ATP10B: variants seen among roughly 807,000 people sequenced by gnomAD.
ATP10B encodes phospholipid-transporting ATPase VB.
A neutral mutation model predicts 141.2 loss-of-function variants in ATP10B; 122 were observed. The observed-to-expected ratio is 0.86, with a 90% CI of 0.75 to 1.00. ATP10B has a LOEUF of 1.00. ATP10B is among the 50% of genes least tolerant of loss of function. ATP10B has a pLI of 0.00. For synonymous variants in ATP10B, 685 were observed against 692.0 expected (o/e 0.99, Z 0.16); for missense variants, 1,876 against 1,825.3 (o/e 1.03, Z -0.51).
chr5:160,629,791 T>C (rs190321581), intron 13 of ATP10B, among the ~76,000 whole-genome samples: 4 of 152,356 alleles, frequency 2.6e-5, no homozygotes, highest in Admixed American at 2.6e-4. Flanking sequence ...GTCACAGAGC[T>C]AGTACATGGG....
chr5:160,762,342 A>T (rs952785297), intron 2 of ATP10B, among the ~76,000 whole-genome samples: 1 of 152,074 alleles, frequency 6.6e-6, no homozygotes, highest in African/African-American at 2.4e-5. Flanking sequence ...ATAAAGAACA[A>T]CCTATCAGAT....
chr5:160,840,948 T>A (rs796759680), intron 1 of ATP10B, among the ~76,000 whole-genome samples: 1 of 152,164 alleles, frequency 6.6e-6, no homozygotes. Context: ...GATGATATAT[T>A]TCGTTCATAG....
chr5:160,758,475 G>A (rs1056528363), intron 2 of ATP10B, among the ~76,000 whole-genome samples: 3 of 152,176 alleles, frequency 2.0e-5, no homozygotes, highest in Non-Finnish European at 4.4e-5. Flanking sequence ...TCTGTTCACT[G>A]TCCTCTTGGT....
intron 2 of ATP10B, among the ~76,000 whole-genome samples, chr5:160,739,504 A>G (rs1044477867): frequency 1.3e-5 from 2 of 152,256 alleles, no homozygotes; most frequent in African/African-American, 4.8e-5. Context: ...GCATTTCTAT[A>G]TATGAGCAAT....
intron 2 of ATP10B, among the ~76,000 whole-genome samples, chr5:160,771,099 C>T (rs55911731): frequency 0.16 from 23,660 of 152,068 alleles, 2,639 homozygotes; most frequent in East Asian, 0.42. Context: ...TCGATTATAT[C>T]ACAATACCCT....
chr5:160,590,026 T>G (rs532512135), intron 23 of ATP10B, among the ~76,000 whole-genome samples: 1 of 152,146 alleles, frequency 6.6e-6, no homozygotes, highest in African/African-American at 2.4e-5. Flanking sequence ...GTTTAGTCTA[T>G]TAGGCAGTGC....
chr5:160,596,569 A>T (rs982979441), intron 22 of ATP10B, among the ~76,000 whole-genome samples: 19 of 146,988 alleles, frequency 1.3e-4, no homozygotes, highest in Admixed American at 6.1e-4. Flanking sequence ...AAGGAAATAA[A>T]GGGTATTCAA....
chr5:160,636,627 G>A (rs1420073463), intron 10 of ATP10B, among the ~76,000 whole-genome samples: 1 of 152,166 alleles, frequency 6.6e-6, no homozygotes, highest in East Asian at 1.9e-4. Context: ...AGAAATACTT[G>A]TTCTTTTTTG....
intron 15 of ATP10B, among the ~76,000 whole-genome samples, chr5:160,619,331 TGA>T (rs1416373450): frequency 2.0e-5 from 3 of 152,202 alleles, no homozygotes; most frequent in Non-Finnish European, 4.4e-5. Flanking sequence ...ATTGTGTGTG[TGA>T]CTTCTATTGA....
intron 1 of ATP10B, among the ~76,000 whole-genome samples, chr5:160,828,044 T>G (rs983493140): frequency 6.6e-6 from 1 of 152,136 alleles, no homozygotes; most frequent in African/African-American, 2.4e-5. Flanking sequence ...CCTTACACCT[T>G]ATACAAAAAT....
At chr5:160,589,054 C>CAGGCTGGAGTGTGGTGGCATGATCT (rs1756098858) in intron 24 of ATP10B, among the ~76,000 whole-genome samples, 1 of 152,176 alleles carries the variant, frequency 6.6e-6, no homozygotes, top group South Asian at 2.1e-4. Flanking sequence ...CTCTGTCACC[C>CAGGCTGGAGTGTGGTGGCATGATCT]AGGCTGGAGT....
chr5:160,759,372 G>T (rs1020743516), intron 2 of ATP10B, among the ~76,000 whole-genome samples: 1 of 152,156 alleles, frequency 6.6e-6, no homozygotes, highest in Non-Finnish European at 1.5e-5. Flanking sequence ...TATCATGAAG[G>T]AAACACAGGT....
At chr5:160,573,799 A>G (rs1755024149) in intron 24 of ATP10B, among the ~76,000 whole-genome samples, 4 of 152,136 alleles carry the variant, frequency 2.6e-5, no homozygotes, top group Admixed American at 6.5e-5. Flanking sequence ...AATTTTATCT[A>G]TGTTGAAAGA....
chr5:160,625,154 G>A (rs924400181), intron 13 of ATP10B, among the ~76,000 whole-genome samples: 1 of 152,184 alleles, frequency 6.6e-6, no homozygotes, highest in Non-Finnish European at 1.5e-5. Flanking sequence ...CTTGCCCAAG[G>A]TCACACAGTA....
At chr5:160,844,016 T>C (rs1217780301) in intron 1 of ATP10B, among the ~76,000 whole-genome samples, 1 of 152,166 alleles carries the variant, frequency 6.6e-6, no homozygotes, top group African/African-American at 2.4e-5. Context: ...CAAAAATCTG[T>C]ATATGCCTAC....
the ATP10B span, among the ~76,000 whole-genome samples, chr5:160,900,908 G>GTTTTT: frequency 1.5e-3 from 136 of 88,974 alleles, 3 homozygotes; most frequent in African/African-American, 4.4e-3. Flanking sequence ...GGGTAGAGAA[G>GTTTTT]TTTTTTTTTT....
At chr5:160,637,115 C>A (rs894305850) in intron 10 of ATP10B, among the ~76,000 whole-genome samples, 1 of 98,384 alleles carries the variant, frequency 1.0e-5, no homozygotes, top group African/African-American at 3.6e-5. Flanking sequence ...CATCTACTCA[C>A]CCATCTATCC....
chr5:160,598,880 G>A lies in ATP10B; in HGVS notation c.3454C>T (p.Leu1152Phe). 6.2e-7 allele frequency: 1 copy of A among 1,614,164 alleles called. No homozygotes were observed. The highest frequency in any genetic ancestry group is 8.5e-7 in the Non-Finnish European group (1 of 1,179,994). Residue 1152 changes from leucine (L) to phenylalanine (F), a missense_variant, in exon 22 of 26, where the codon CTC becomes TTC. Leu to Phe is a conservative substitution (Grantham distance 22). Transcript: ENST00000327245. ...IDYWQMIFFN[L>F]FFTSLPPLVF... ...AGAGGAGGCAAGGAGGTAAAGAAGA[G>A]ATTGAAGAATATCATCTGCCAGTAA...
Position 160,602,636 on chromosome 5 carries a change from C to T in ATP10B, c.3304G>A (p.Gly1102Ser). ...KHLKKLLLVH[G>S]HWCYSRLARM... is the part of the protein sequence containing the mutation. Reference sequence around the variant, plus strand: ...GCCAGGCGCGAGTAACACCAGTGGCCATGCACGAGCAGCAACTTCTTGAGA... The same window carrying T: ...GCCAGGCGCGAGTAACACCAGTGGCTATGCACGAGCAGCAACTTCTTGAGA... The change falls in exon 21 of 26, where the codon GGC becomes AGC. Residue 1102 changes from glycine to serine, a missense_variant. Gly to Ser is a moderately conservative substitution (Grantham distance 56, BLOSUM62 0). Coordinates refer to ENST00000327245, the MANE Select transcript of ATP10B (RefSeq NM_025153.3). The T allele has an allele frequency of 6.2e-7, 1 of 1,614,054 alleles. No homozygotes were observed.
Sources: gnomAD v4.1 joint callset for allele counts (sites outside exome capture counted in the v4.1 genomes callset) on GRCh38, gnomAD v4.1.1 for gene constraint, MANE v1.5 for transcripts, NCBI Gene and HGNC (gene_info 2026-07-23, HGNC 2026-07-21) for gene names.